DPP6: variants seen among roughly 807,000 people sequenced by gnomAD.
The protein encoded by DPP6 is dipeptidyl peptidase like 6.
In DPP6, 69 loss-of-function variants were observed where a neutral mutation model predicts 122.6. The ratio of observed to expected loss-of-function variants is 0.56; its 90% CI spans 0.46 to 0.69. The LOEUF (loss-of-function observed/expected upper bound fraction) is 0.69, where lower values mean the gene tolerates loss of function less well. Ranked by LOEUF, DPP6 falls within the 30% of genes least tolerant of loss-of-function variation. The probability of loss-of-function intolerance (pLI) is 0.00; values close to 1 mark genes in which losing one functional copy is unlikely to be tolerated. For synonymous variants in DPP6, 418 were observed against 433.1 expected (o/e 0.97, Z 0.43); for missense variants, 928 against 1,116.9 (o/e 0.83, Z 2.41).
chr7:154,126,106 G>A (rs1807863373), intron 1 of DPP6, among the ~76,000 whole-genome samples: 1 of 152,198 alleles, frequency 6.6e-6, no homozygotes, highest in African/African-American at 2.4e-5. Context: ...GGCTATTCAT[G>A]GTGTAGGGAT....
chr7:153,770,218 A>G, the DPP6 span, among the ~76,000 whole-genome samples: 1 of 152,142 alleles, frequency 6.6e-6, no homozygotes. Context: ...ATGAATACTC[A>G]TTGCAACTGG....
intron 1 of DPP6, among the ~76,000 whole-genome samples, chr7:153,930,570 A>G (rs2129012873): frequency 6.6e-6 from 1 of 152,322 alleles, no homozygotes. Flanking sequence ...AACATACTGC[A>G]CACCATGGCA....
chr7:153,804,866 A>G, the DPP6 span, among the ~76,000 whole-genome samples: 22 of 151,908 alleles, frequency 1.4e-4, no homozygotes, highest in African/African-American at 4.8e-4. Flanking sequence ...CCTGGGCAAC[A>G]GAGAGAGACT....
At chr7:154,080,911 T>C (rs1430139325) in intron 1 of DPP6, among the ~76,000 whole-genome samples, 3 of 152,104 alleles carry the variant, frequency 2.0e-5, no homozygotes, top group Non-Finnish European at 4.4e-5. Flanking sequence ...GCCTTGGGTG[T>C]GCCTGGATGC....
chr7:153,960,933 T>G (rs1277847472), intron 1 of DPP6, among the ~76,000 whole-genome samples: 1 of 152,130 alleles, frequency 6.6e-6, no homozygotes, highest in Non-Finnish European at 1.5e-5. Context: ...CCAACCTTCC[T>G]AAAGGCCCAT....
At chr7:154,654,222 G>A (rs543562479) in intron 6 of DPP6, among the ~76,000 whole-genome samples, 6 of 151,888 alleles carry the variant, frequency 4.0e-5, no homozygotes, top group Admixed American at 1.3e-4. Flanking sequence ...GGGGTGTCCC[G>A]GAACCAATCT....
intron 1 of DPP6, among the ~76,000 whole-genome samples, chr7:154,087,293 T>C (rs1196465802): frequency 1.3e-5 from 2 of 152,086 alleles, no homozygotes; most frequent in African/African-American, 4.8e-5. Context: ...CTTGGGACTT[T>C]GCAGAGTATG....
chr7:154,249,370 C>G (rs1299449282), intron 1 of DPP6, among the ~76,000 whole-genome samples: 3 of 152,246 alleles, frequency 2.0e-5, no homozygotes, highest in South Asian at 4.1e-4. Context: ...ATCAATTAAC[C>G]TATTAATTAA....
intron 1 of DPP6, among the ~76,000 whole-genome samples, chr7:154,252,245 C>T (rs554624742): frequency 2.8e-5 from 4 of 143,028 alleles, no homozygotes; most frequent in African/African-American, 9.1e-5. Context: ...TGCGCGCATG[C>T]GCACGGTGGT....
intron 1 of DPP6, among the ~76,000 whole-genome samples, chr7:154,096,970 A>G (rs1295236997): frequency 6.6e-6 from 1 of 152,250 alleles, no homozygotes; most frequent in East Asian, 1.9e-4. Context: ...CTGAGAGGAA[A>G]GACCCACGGT....
chr7:154,543,129 G>C (rs1051409749), intron 4 of DPP6, among the ~76,000 whole-genome samples: 1 of 152,210 alleles, frequency 6.6e-6, no homozygotes, highest in Admixed American at 6.5e-5. Context: ...CCTGGTGACT[G>C]ATCAGGTGTT....
rs1230795545 is a variant in DPP6 at position 154,863,182 on chromosome 7, G to A, written c.1715-4813G>A. 1.3e-5 allele frequency among the ~76,000 whole-genome samples: 2 copies of A among 152,246 alleles called. No individual in the cohort carries two copies. Among genetic ancestry groups the A allele is most frequent in the Non-Finnish European group, 2.9e-5 (2 of 68,010 alleles). ...CTCCCAAAGCATTGGGATTACAGACGTGAGCCACCGCACCCGAACCCTTTC... is the reference window on the plus strand; with the variant it reads ...CTCCCAAAGCATTGGGATTACAGACATGAGCCACCGCACCCGAACCCTTTC... On this transcript the variant is annotated intron_variant, in intron 17 of 25. Transcript: ENST00000377770. The surrounding 1 kb of genome is among the most constrained non-coding windows in gnomAD (Gnocchi z 4.1).
At chr7:154,198,324 T>A (rs902873860) in intron 1 of DPP6, among the ~76,000 whole-genome samples, 3 of 108,836 alleles carry the variant, frequency 2.8e-5, no homozygotes, top group East Asian at 5.1e-4. Context: ...TTATTATTTT[T>A]TTTTTGAGAT....
chr7:154,447,201 G>T (rs1344396326), intron 2 of DPP6, among the ~76,000 whole-genome samples: 1 of 152,142 alleles, frequency 6.6e-6, no homozygotes, highest in Non-Finnish European at 1.5e-5. Context: ...AGCTACTCAG[G>T]AGGCTGAGAC....
intron 1 of DPP6, among the ~76,000 whole-genome samples, chr7:153,988,862 C>T (rs1563078366): frequency 6.6e-6 from 1 of 150,828 alleles, no homozygotes; most frequent in Non-Finnish European, 1.5e-5. Context: ...ACTTAAAAAA[C>T]GAAGAGTCAG....
chr7:153,759,975 C>G, the DPP6 span, among the ~76,000 whole-genome samples: 33 of 133,242 alleles, frequency 2.5e-4, no homozygotes, highest in African/African-American at 7.9e-4. Context: ...TTCTGTATCT[C>G]TCTCTCTCTC....
At chr7:154,495,263 C>A (rs909171049) in intron 3 of DPP6, among the ~76,000 whole-genome samples, 2 of 152,184 alleles carry the variant, frequency 1.3e-5, no homozygotes, top group African/African-American at 4.8e-5. Flanking sequence ...CCCTCTCTAG[C>A]AGCTGGGGCC....
intron 7 of DPP6, among the ~76,000 whole-genome samples, chr7:154,680,005 G>T (rs1293410004): frequency 1.3e-5 from 2 of 152,196 alleles, no homozygotes; most frequent in Non-Finnish European, 2.9e-5. Context: ...TAATAGGAAT[G>T]GATGGGGTCG....
At chr7:153,783,848 C>A in the DPP6 span, among the ~76,000 whole-genome samples, 1 of 152,136 alleles carries the variant, frequency 6.6e-6, no homozygotes, top group African/African-American at 2.4e-5. Context: ...GTTATAGGAG[C>A]CCCAAGTTGG....
Sources: allele counts gnomAD v4.1 joint callset (sites outside exome capture counted in the v4.1 genomes callset), GRCh38; gene constraint gnomAD v4.1.1; non-coding constraint Gnocchi (gnomAD v3.1); transcripts MANE v1.5; gene names NCBI Gene and HGNC (gene_info 2026-07-23, HGNC 2026-07-21).